PCDH11X: variants seen among roughly 807,000 people sequenced by gnomAD.
PCDH11X encodes the protein protocadherin 11 X-linked.
PCDH11X carries 18 observed loss-of-function variants against 53.3 expected under a neutral mutation model. The ratio of observed to expected loss-of-function variants is 0.34; its 90% CI spans 0.23 to 0.50. The LOEUF is 0.50. Among genes scored for constraint, PCDH11X ranks in the 20% least tolerant of loss-of-function variants. The pLI, the probability that PCDH11X is intolerant of heterozygous loss-of-function variation, is 0.98. For missense variants in PCDH11X, 570 were observed against 1,032.4 expected (o/e 0.55, Z 6.14); for synonymous variants, 279 against 393.3 (o/e 0.71, Z 3.44).
rs180892063 is a variant in PCDH11X at position 92,016,237 on chromosome X, G to A, written c.3033+136964G>A. Among the ~76,000 whole-genome samples the A allele has an allele frequency of 8.1e-5, 9 of 110,528 alleles. No individual in the cohort carries two copies. The East Asian group carries it at 2.6e-3, about 32-fold the overall frequency. On this transcript the variant is annotated intron_variant, in intron 6 of 10. Coordinates refer to ENST00000682573, the MANE Select transcript of PCDH11X (RefSeq NM_032968.5). ...GTAGAGCACAGGCAGAGTAGATTTA[G>A]CATCATCCTTAAGGGCCCTAGCATT...
Position 92,476,043 on chromosome X carries a change from G to A in PCDH11X, c.3367+7721G>A, listed in dbSNP as rs188578643. ...CCATAATTCCCATGGGTTGTGGGAC[G>A]GACCCAGAGGGAGGTAACTGAATCA... On this transcript the variant is annotated intron_variant, in intron 10 of 10. Transcript: ENST00000682573. Among the ~76,000 whole-genome samples, 178 of 111,390 alleles carry A rather than the reference G, an allele frequency of 1.6e-3. 4 individuals are homozygous for A. The highest frequency in any genetic ancestry group is 0.015 in the Admixed American group (155 of 10,469).
At chrX:91,991,351 TC>T (rs2062319310) in intron 6 of PCDH11X, among the ~76,000 whole-genome samples, 4 of 76,436 alleles carry the variant, frequency 5.2e-5, no homozygotes, top group African/African-American at 1.1e-4. Flanking sequence ...GTTAAGACTT[TC>T]TTTTTTTTTT....
chrX:92,516,503 T>C, intron 10 of PCDH11X, among the ~76,000 whole-genome samples: 1 of 111,983 alleles, frequency 8.9e-6, no homozygotes. Flanking sequence ...GCTTTCTAGT[T>C]CACATAGTTT....
intron 6 of PCDH11X, among the ~76,000 whole-genome samples, chrX:92,103,333 C>T (rs1334330360): frequency 9.0e-6 from 1 of 110,718 alleles, no homozygotes; most frequent in African/African-American, 3.3e-5. Context: ...GCTGTCAATA[C>T]CCACAACAGT....
At chrX:91,788,938 G>T (rs768153766) in intron 1 of PCDH11X, among the ~76,000 whole-genome samples, 1 of 111,572 alleles carries the variant, frequency 9.0e-6, no homozygotes, top group Non-Finnish European at 1.9e-5. Context: ...AGCGGCTCAC[G>T]CCTGTAATCC....
chrX:91,925,797 G>C (rs958963794), intron 6 of PCDH11X, among the ~76,000 whole-genome samples: 1 of 110,628 alleles, frequency 9.0e-6, no homozygotes, highest in Non-Finnish European at 1.9e-5. Context: ...TGTGTGCAAT[G>C]ATTTCAGGCA....
chrX:92,292,306 T>C (rs1374602499), intron 8 of PCDH11X, among the ~76,000 whole-genome samples: 2 of 112,290 alleles, frequency 1.8e-5, no homozygotes, highest in Non-Finnish European at 3.8e-5. Context: ...AGAACATTCA[T>C]AAATTGGAAG....
At chrX:92,434,484 C>T (rs184273130) in intron 9 of PCDH11X, among the ~76,000 whole-genome samples, 1 of 110,256 alleles carries the variant, frequency 9.1e-6, no homozygotes, top group Non-Finnish European at 1.9e-5. Context: ...TTTTTAAAAA[C>T]GTATATTCAC....
At chrX:91,781,667 C>T (rs865957851) in intron 1 of PCDH11X, among the ~76,000 whole-genome samples, 7 of 107,397 alleles carry the variant, frequency 6.5e-5, no homozygotes, top group South Asian at 4.0e-4. Flanking sequence ...TGTGTGTGCG[C>T]GTGTGTGTGT....
At chrX:92,121,669 T>C (rs1467137169) in intron 6 of PCDH11X, among the ~76,000 whole-genome samples, 1 of 111,889 alleles carries the variant, frequency 8.9e-6, no homozygotes, top group Non-Finnish European at 1.9e-5. Flanking sequence ...CAAAATTGTT[T>C]AAATGTAAAC....
At chrX:92,108,155 C>T (rs1363459475) in intron 6 of PCDH11X, among the ~76,000 whole-genome samples, 1 of 111,574 alleles carries the variant, frequency 9.0e-6, no homozygotes, top group Admixed American at 9.5e-5. Flanking sequence ...TGCAGATTTC[C>T]TCAAAATGTC....
intron 6 of PCDH11X, among the ~76,000 whole-genome samples, chrX:91,901,908 G>C (rs1940969040): frequency 1.8e-5 from 2 of 111,805 alleles, no homozygotes; most frequent in African/African-American, 6.5e-5. Context: ...TTAAGGGCTA[G>C]AGTAAATTGG....
chrX:91,832,505 AG>A (rs1318826680), intron 4 of PCDH11X, among the ~76,000 whole-genome samples: 1 of 36,892 alleles, frequency 2.7e-5, no homozygotes, highest in African/African-American at 9.8e-5. Context: ...GGGTGGGGGG[AG>A]GGGGGAAGGG....
At chrX:92,605,001 G>C (rs2556820) in intron 10 of PCDH11X, among the ~76,000 whole-genome samples, 8,524 of 77,349 alleles carry the variant, frequency 0.11, 1,227 homozygotes, top group African/African-American at 0.29. Context: ...TTCTATATTT[G>C]TTTTTCAATA....
Position 92,212,006 on chromosome X carries a change from C to CTTTTTTTTTTTTTTT in PCDH11X, c.3114+10557_3114+10571dup, listed in dbSNP as rs56939635. On this transcript the variant is annotated intron_variant, in intron 7 of 10. Coordinates refer to ENST00000682573, the MANE Select transcript of PCDH11X (RefSeq NM_032968.5). ...CTATGTGGTGGGGCCACTTGCAATG[C>CTTTTTTTTTTTTTTT]TTTTTTTTTTTTTTTTTTTTCCTGA... is the stretch of plus-strand genomic sequence containing the variant. 4.6e-5 allele frequency among the ~76,000 whole-genome samples: 3 copies of CTTTTTTTTTTTTTTT among 64,592 alleles called. 1 individual carries two copies. Among genetic ancestry groups the CTTTTTTTTTTTTTTT allele is most frequent in the African/African-American group, 1.9e-4 (3 of 15,546 alleles). 56.1% of individuals were successfully genotyped at this position (64,592 alleles called of 115,157 possible). A position where few individuals can be genotyped will look rare whatever the true frequency, so the allele number is the denominator to read the frequency against.
intron 9 of PCDH11X, among the ~76,000 whole-genome samples, chrX:92,431,731 A>G (rs1384274137): frequency 1.8e-5 from 2 of 108,531 alleles, no homozygotes; most frequent in African/African-American, 6.6e-5. Context: ...CGGAAGCTAC[A>G]TATTGCTAAA....
intron 8 of PCDH11X, among the ~76,000 whole-genome samples, chrX:92,264,495 T>C (rs982786222): frequency 9.0e-6 from 1 of 111,323 alleles, no homozygotes; most frequent in African/African-American, 3.3e-5. Context: ...TGTGTGTGTA[T>C]AAAACATGTA....
At chrX:91,799,151 C>A (rs1935843353) in intron 1 of PCDH11X, among the ~76,000 whole-genome samples, 1 of 110,377 alleles carries the variant, frequency 9.1e-6, no homozygotes, top group South Asian at 3.8e-4. Context: ...CTCATACATG[C>A]ATAATTGAAA....
intron 7 of PCDH11X, among the ~76,000 whole-genome samples, chrX:92,202,365 A>G (rs35927474): frequency 0.013 from 1,423 of 110,346 alleles, 11 homozygotes; most frequent in Non-Finnish European, 0.02. Context: ...CACCCACCCA[A>G]CTCCTGAGAT....
Sources: gnomAD v4.1 joint callset for allele counts (sites outside exome capture counted in the v4.1 genomes callset) on GRCh38, gnomAD v4.1.1 for gene constraint, MANE v1.5 for transcripts, NCBI Gene and HGNC (gene_info 2026-07-23, HGNC 2026-07-21) for gene names.